The following DOCK10 variants were observed in gnomAD, a reference collection of about 807,000 sequenced individuals.
DOCK10 encodes the protein dedicator of cytokinesis 10.
A neutral mutation model predicts 280.1 loss-of-function variants in DOCK10; 145 were observed. The observed-to-expected ratio is 0.52, with a 90% CI of 0.45 to 0.59. DOCK10 has a LOEUF of 0.59. Ranked by LOEUF, DOCK10 falls within the 20% of genes least tolerant of loss-of-function variation. The pLI, the probability that DOCK10 is intolerant of heterozygous loss-of-function variation, is 0.00. For synonymous variants in DOCK10, 915 were observed against 942.2 expected (o/e 0.97, Z 0.53); for missense variants, 2,368 against 2,651.7 (o/e 0.89, Z 2.35).
At chr2:224,870,634 C>G (rs574554205) in intron 11 of DOCK10, among the ~76,000 whole-genome samples, 56 of 152,068 alleles carry the variant, frequency 3.7e-4, no homozygotes, top group African/African-American at 1.2e-3. Context: ...ATCTTTATCC[C>G]AACAGCCATC....
At chr2:225,023,439 G>A (rs1010905802) in intron 1 of DOCK10, among the ~76,000 whole-genome samples, 2 of 152,134 alleles carry the variant, frequency 1.3e-5, no homozygotes, top group African/African-American at 2.4e-5. Context: ...AAAAAAAGTG[G>A]CCAATAAACA....
At chr2:224,804,297 C>T (rs904959718) in intron 38 of DOCK10, 84 bp from the exon 39 acceptor site, 47 of 724,018 alleles carry the variant, frequency 6.5e-5, no homozygotes, top group Non-Finnish European at 1.0e-4. Context: ...AAAACGATTA[C>T]TGCACAATGA....
chr2:224,816,636 T>C lies in DOCK10; in HGVS notation c.3345A>G (p.Ile1115Met). 1 of 1,604,026 alleles carries C rather than the reference T, an allele frequency of 6.2e-7. No individual in the cohort carries two copies. Among genetic ancestry groups the C allele is most frequent in the Non-Finnish European group, 8.5e-7 (1 of 1,173,128 alleles). Residue 1115 changes from isoleucine to methionine, a missense_variant, in exon 30 of 56, where the codon ATA (isoleucine) becomes ATG (methionine). By Grantham distance (10) the Ile-to-Met change is conservative (BLOSUM62 1). Transcript: ENST00000258390. ...TATTACCTGGAATGTTTGCTGATCT[T>C]ATGGGCAGACACAAAGGGATAAAGT... ...HEHFIPLCLP[I>M]RSANIPDPLT...
chr2:224,958,356 C>A (rs1427552931), intron 1 of DOCK10, among the ~76,000 whole-genome samples: 1 of 152,030 alleles, frequency 6.6e-6, no homozygotes, highest in Non-Finnish European at 1.5e-5. Context: ...CAGCTCCGGG[C>A]ACAAAAAGGG....
At chr2:225,015,100 T>C (rs897495681) in intron 1 of DOCK10, among the ~76,000 whole-genome samples, 1 of 152,234 alleles carries the variant, frequency 6.6e-6, no homozygotes, top group Admixed American at 6.5e-5. Flanking sequence ...AGTTTGGAAG[T>C]GACCACTTTA....
intron 40 of DOCK10, 24 bp downstream of exon 40, chr2:224,801,892 T>C: frequency 6.2e-7 from 1 of 1,610,990 alleles, no homozygotes; most frequent in Non-Finnish European, 8.5e-7. Context: ...AACCATCTTG[T>C]TCCTATTATT....
intron 3 of DOCK10, among the ~76,000 whole-genome samples, chr2:224,912,660 A>G (rs947239323): frequency 6.6e-6 from 1 of 152,144 alleles, no homozygotes; most frequent in Non-Finnish European, 1.5e-5. Context: ...TTGTGTATAT[A>G]TGTATAGGTT....
chr2:224,882,855 C>A (rs966226169), intron 7 of DOCK10, among the ~76,000 whole-genome samples: 2 of 152,154 alleles, frequency 1.3e-5, no homozygotes, highest in African/African-American at 4.8e-5. Flanking sequence ...CTATTTCACT[C>A]AAATTCTCTC....
Position 225,014,081 on chromosome 2 carries a change from A to ATATATATATATATATTT in DOCK10, c.123+28170_123+28171insAAATATATATATATATA, listed in dbSNP as rs776104946. ...AAAAAATCCCCAGAAGTCTGAATAT[A>ATATATATATATATATTT]TTGTTTTTTTTTTTTTGTTTTTTTT... On this transcript the variant is annotated intron_variant, in intron 1 of 55. Transcript: ENST00000258390. Among the ~76,000 whole-genome samples the ATATATATATATATATTT allele has an allele frequency of 1.4e-3, 134 of 96,810 alleles. 3 individuals carry two copies. The highest frequency in any genetic ancestry group is 9.6e-3 in the South Asian group (27 of 2,812). The allele number at this position is 96,810 out of a possible 152,430, so 63.5% of individuals were successfully genotyped here. A position where few individuals can be genotyped will look rare whatever the true frequency, so the allele number is the denominator to read the frequency against.
intron 14 of DOCK10, 38 bp from the exon 15 acceptor site, chr2:224,857,020 T>G: frequency 6.5e-7 from 1 of 1,538,946 alleles, no homozygotes; most frequent in Non-Finnish European, 8.8e-7. Context: ...TAGTTGGATA[T>G]TGTTTATAAA....
At chr2:224,844,608 C>T (rs1043781948) in intron 22 of DOCK10, 145 bp downstream of exon 22, 4 of 627,586 alleles carry the variant, frequency 6.4e-6, no homozygotes, top group Non-Finnish European at 8.5e-6. Context: ...TCAAATTATG[C>T]CCTTAACATT....
intron 2 of DOCK10, among the ~76,000 whole-genome samples, chr2:224,925,968 C>T (rs556237930): frequency 1.3e-5 from 2 of 152,290 alleles, no homozygotes; most frequent in Admixed American, 1.3e-4. Flanking sequence ...GAGTCACACA[C>T]TTTGGTGACT....
At chr2:224,941,198 T>C (rs940272826) in intron 1 of DOCK10, among the ~76,000 whole-genome samples, 2 of 106,946 alleles carry the variant, frequency 1.9e-5, no homozygotes, top group African/African-American at 5.8e-5. Context: ...ATTACTGCTC[T>C]TTTTTTTTTT....
intron 50 of DOCK10, among the ~76,000 whole-genome samples, chr2:224,785,067 C>T (rs1337683573): frequency 7.0e-6 from 1 of 142,334 alleles, no homozygotes; most frequent in African/African-American, 2.5e-5. Flanking sequence ...TCTGCTCCCA[C>T]ATCCCCTTCC....
chr2:224,920,289 G>A (rs562161152), intron 2 of DOCK10, among the ~76,000 whole-genome samples: 3 of 148,916 alleles, frequency 2.0e-5, no homozygotes, highest in Non-Finnish European at 4.4e-5. Flanking sequence ...GTCCAGGATG[G>A]TCTCCAGCTC....
At chr2:224,855,066 C>T in intron 15 of DOCK10, 24 bp from the exon 16 acceptor site, 1 of 808,362 alleles carries the variant, frequency 1.2e-6, no homozygotes, top group Non-Finnish European at 1.9e-6. Flanking sequence ...TGAGCAAGGA[C>T]ACACACACAC....
chr2:224,884,727 T>C (rs1010512814), intron 7 of DOCK10, among the ~76,000 whole-genome samples: 2 of 152,216 alleles, frequency 1.3e-5, no homozygotes, highest in African/African-American at 4.8e-5. Flanking sequence ...GTGGAATCCT[T>C]GTCTTTGAAG....
At chr2:224,945,571 T>A (rs780578229) in intron 1 of DOCK10, among the ~76,000 whole-genome samples, 1 of 152,138 alleles carries the variant, frequency 6.6e-6, no homozygotes, top group African/African-American at 2.4e-5. Flanking sequence ...ACTCTATTCA[T>A]ATCAAGTTAC....
At chr2:224,988,421 C>T (rs1414455324) in intron 1 of DOCK10, among the ~76,000 whole-genome samples, 2 of 152,186 alleles carry the variant, frequency 1.3e-5, no homozygotes, top group South Asian at 4.1e-4. Flanking sequence ...TTATAGCACT[C>T]GCCATGTGCC....
Sources: gnomAD v4.1 joint callset for allele counts (sites outside exome capture counted in the v4.1 genomes callset) on GRCh38, gnomAD v4.1.1 for gene constraint, MANE v1.5 for transcripts, NCBI Gene and HGNC (gene_info 2026-07-23, HGNC 2026-07-21) for gene names.